OSBPL3: variants seen among roughly 807,000 people sequenced by gnomAD.
The protein encoded by OSBPL3 is oxysterol binding protein like 3, also known as oxysterol-binding protein-related protein 3.
A neutral mutation model predicts 120.1 loss-of-function variants in OSBPL3; 65 were observed. The ratio of observed to expected loss-of-function variants is 0.54; its 90% CI spans 0.44 to 0.67. OSBPL3 has a LOEUF of 0.67. OSBPL3 is among the 30% of genes least tolerant of loss of function. OSBPL3 has a pLI of 0.00. For missense variants in OSBPL3, 1,004 were observed against 1,082.1 expected, an observed-to-expected ratio of 0.93 and a Z score of 1.01; for synonymous variants, 416 against 402.6, an observed-to-expected ratio of 1.03 and a Z score of -0.40.
In OSBPL3 at chr7:24,968,831, TCA is replaced by T. The variant is rs1816685190; in HGVS notation, c.-150+11053_-150+11054del. On this transcript the variant is annotated intron_variant, in intron 1 of 22. Coordinates refer to ENST00000313367, the MANE Select transcript of OSBPL3 (RefSeq NM_015550.4). This position sits in a 1 kb window ranked among gnomAD's most constrained non-coding sequence, Gnocchi z 4.6. Reference sequence around the variant, plus strand: ...TTTTTTCTTAACTTCACAATAAATCTCACATATCATTCCATATCAGAAAATGT... The same window carrying T: ...TTTTTTCTTAACTTCACAATAAATCTCATATCATTCCATATCAGAAAATGT... Among the ~76,000 whole-genome samples the T allele has an allele frequency of 6.6e-6, 1 of 152,212 alleles. No individual in the cohort carries two copies. Among genetic ancestry groups the T allele is most frequent in the South Asian group, 2.1e-4 (1 of 4,828 alleles).
chr7:24,838,169 A>G (rs914430396), intron 14 of OSBPL3, among the ~76,000 whole-genome samples: 4 of 152,346 alleles, frequency 2.6e-5, no homozygotes, highest in African/African-American at 9.6e-5. Flanking sequence ...CTGACAAAGA[A>G]GAAAACTGGG....
intron 1 of OSBPL3, among the ~76,000 whole-genome samples, chr7:24,909,063 T>A (rs1200351567): frequency 6.6e-6 from 1 of 152,222 alleles, no homozygotes; most frequent in Non-Finnish European, 1.5e-5. Context: ...CTACCATGAC[T>A]TCACAGAACT....
At position 24,939,251 on chromosome 7, in the gene OSBPL3, G is replaced by A. The variant is rs1474235203; in HGVS notation, c.-150+40635C>T. Among the ~76,000 whole-genome samples the A allele has an allele frequency of 2.0e-5, 3 of 152,236 alleles. No homozygotes were observed. Among genetic ancestry groups the A allele is most frequent in the Non-Finnish European group, 4.4e-5 (3 of 68,030 alleles). ...CAAGGTCTCTGAGGATGGAGGAGGTGTAAGCTACTGGTAATTGTCTGCCCA... is the reference window on the plus strand; with the variant it reads ...CAAGGTCTCTGAGGATGGAGGAGGTATAAGCTACTGGTAATTGTCTGCCCA... On this transcript the variant is annotated intron_variant, in intron 1 of 22. Coordinates refer to ENST00000313367, the MANE Select transcript of OSBPL3 (RefSeq NM_015550.4). This position sits in a 1 kb window ranked among gnomAD's most constrained non-coding sequence, Gnocchi z 4.2.
At chr7:24,976,407 A>C in intron 1 of OSBPL3, among the ~76,000 whole-genome samples, 1 of 152,208 alleles carries the variant, frequency 6.6e-6, no homozygotes, top group Non-Finnish European at 1.5e-5. Context: ...AGACAATGTT[A>C]GGACAGAGTG....
rs572317597 is a variant in OSBPL3 at position 24,970,560 on chromosome 7, T to C, written c.-150+9326A>G. ...AGTAGAGAAAAGATGGATCAATATA[T>C]AGAGATATAGATACAGATAGATAGA... On this transcript the variant is annotated intron_variant, in intron 1 of 22. Transcript: ENST00000313367. Among the ~76,000 whole-genome samples, 6 of 152,214 alleles carry C rather than the reference T, an allele frequency of 3.9e-5. No individual in the cohort carries two copies. The East Asian group carries it at 7.7e-4, about 20-fold the overall frequency.
rs571170489 is a variant in OSBPL3 at position 24,835,785 on chromosome 7, C to T, written c.1496-1049G>A. Among the ~76,000 whole-genome samples, 1 of 152,170 alleles carries T rather than the reference C, an allele frequency of 6.6e-6. No individual in the cohort carries two copies. The highest frequency in any genetic ancestry group is 1.9e-4 in the East Asian group (1 of 5,168). ...GCAGCAACATAGATGGAGCTGGAGG[C>T]CGTTAACTAAGCAAACTAACACAGG... On this transcript the variant is annotated intron_variant, in intron 14 of 22. Transcript: ENST00000313367. This position sits in a 1 kb window ranked among gnomAD's most constrained non-coding sequence, Gnocchi z 4.8.
At position 24,802,009 on chromosome 7, in the gene OSBPL3, G is replaced by A. The variant is rs974819714; in HGVS notation, c.2568-1730C>T. Among the ~76,000 whole-genome samples, 3 of 152,202 alleles carry A rather than the reference G, an allele frequency of 2.0e-5. No individual in the cohort carries two copies. Among genetic ancestry groups the A allele is most frequent in the Non-Finnish European group, 4.4e-5 (3 of 68,034 alleles). On this transcript the variant is annotated intron_variant, in intron 22 of 22. Coordinates refer to ENST00000313367, the MANE Select transcript of OSBPL3 (RefSeq NM_015550.4). This position sits in a 1 kb window ranked among gnomAD's most constrained non-coding sequence, Gnocchi z 4.1. ...CATTAACAATTCCTGTAATTAGCATGGCTGGGTCAAAGAGTATGTGCATTT... is the reference window on the plus strand; with the variant it reads ...CATTAACAATTCCTGTAATTAGCATAGCTGGGTCAAAGAGTATGTGCATTT...
intron 1 of OSBPL3, among the ~76,000 whole-genome samples, chr7:24,917,413 T>TATATATATTTGTAAC (rs1562924806): frequency 5.0e-5 from 7 of 141,078 alleles, no homozygotes; most frequent in African/African-American, 1.9e-4. Context: ...TATATATATA[T>TATATATATTTGTAAC]ATATATATAT....
intron 1 of OSBPL3, among the ~76,000 whole-genome samples, chr7:24,927,531 T>C (rs1811212842): frequency 6.6e-6 from 1 of 152,198 alleles, no homozygotes; most frequent in South Asian, 2.1e-4. Context: ...TAACTGAAGC[T>C]CTCAATGATT....
Position 24,824,264 on chromosome 7 carries a change from T to C in OSBPL3, c.1885-4026A>G, listed in dbSNP as rs1471223305. 1.3e-5 allele frequency among the ~76,000 whole-genome samples: 2 copies of C among 152,238 alleles called. No individual in the cohort carries two copies. Among genetic ancestry groups the C allele is most frequent in the Admixed American group, 1.3e-4 (2 of 15,284 alleles). ...GGCAGTTAAGAATTCTGGTAATTTA[T>C]AATTTATTTATATATCTGAGGCCTT... On this transcript the variant is annotated intron_variant, in intron 16 of 22. Coordinates refer to ENST00000313367, the MANE Select transcript of OSBPL3 (RefSeq NM_015550.4). The surrounding 1 kb of genome is among the most constrained non-coding windows in gnomAD (Gnocchi z 4.9).
At position 24,891,212 on chromosome 7, in the gene OSBPL3, ATTT is replaced by A. The variant is rs35524056; in HGVS notation, c.96+1162_96+1164del. 6.8e-6 allele frequency among the ~76,000 whole-genome samples: 1 copy of A among 146,880 alleles called. No individual in the cohort carries two copies. The highest frequency in any genetic ancestry group is 2.5e-5 in the African/African-American group (1 of 40,050). On this transcript the variant is annotated intron_variant, in intron 2 of 22. Coordinates refer to ENST00000313367, the MANE Select transcript of OSBPL3 (RefSeq NM_015550.4). The surrounding 1 kb of genome is among the most constrained non-coding windows in gnomAD (Gnocchi z 4.1). ...CAATGACTAATTTTAGTCTTTTCTT[ATTT>A]TTTTTTTTTTTAATTCCAGAAGGAA...
At position 24,806,617 on chromosome 7, in the gene OSBPL3, C is replaced by T. The variant is rs1482376929; in HGVS notation, c.2444+159G>A. Among the ~76,000 whole-genome samples, 1 of 152,178 alleles carries T rather than the reference C, an allele frequency of 6.6e-6. No homozygotes were observed. Among genetic ancestry groups the T allele is most frequent in the Non-Finnish European group, 1.5e-5 (1 of 68,034 alleles). ...CACATGGATCCTAGTTGGGCCCCATCTCCTCCGTGATACAATTGTTTAAAG... is the reference window on the plus strand; with the variant it reads ...CACATGGATCCTAGTTGGGCCCCATTTCCTCCGTGATACAATTGTTTAAAG... On this transcript the variant is annotated intron_variant, in intron 21 of 22. Transcript: ENST00000313367. The surrounding 1 kb of genome is among the most constrained non-coding windows in gnomAD (Gnocchi z 5.2).
rs1028493735 is a variant in OSBPL3 at position 24,912,157 on chromosome 7, C to T, written c.-149-19536G>A. Among the ~76,000 whole-genome samples the T allele has an allele frequency of 2.0e-5, 3 of 152,158 alleles. No individual in the cohort carries two copies. The highest frequency in any genetic ancestry group is 1.9e-4 in the East Asian group (1 of 5,184). On this transcript the variant is annotated intron_variant, in intron 1 of 22. Transcript: ENST00000313367. The surrounding 1 kb of genome is among the most constrained non-coding windows in gnomAD (Gnocchi z 4.5). ...GAAGGTTTTTACTAAATTTTATCTC[C>T]GAAGTAAGAAAATATTCTCAAGTAT...
chr7:24,818,781 T>C lies in OSBPL3; in HGVS notation c.1948+1394A>G, dbSNP rs1318963931. Among the ~76,000 whole-genome samples, 1 of 151,730 alleles carries C rather than the reference T, an allele frequency of 6.6e-6. No homozygotes were observed. The highest frequency in any genetic ancestry group is 2.4e-5 in the African/African-American group (1 of 41,260). ...ACAACCTACATAAAAGGCAGAGAAA[T>C]GTCAGGCTGGGTTACAAAGCAAGAT... On this transcript the variant is annotated intron_variant, in intron 17 of 22. Transcript: ENST00000313367. The surrounding 1 kb of genome is among the most constrained non-coding windows in gnomAD (Gnocchi z 4.0).
chr7:24,890,953 T>C (rs1805256820), intron 2 of OSBPL3, among the ~76,000 whole-genome samples: 1 of 152,236 alleles, frequency 6.6e-6, no homozygotes, highest in Admixed American at 6.5e-5. Flanking sequence ...ATTCCTATGG[T>C]GTAATCACCA....
In OSBPL3 at chr7:24,912,434, A is replaced by C. The variant is rs184857230; in HGVS notation, c.-149-19813T>G. Among the ~76,000 whole-genome samples the C allele has an allele frequency of 9.2e-5, 14 of 152,338 alleles. No individual in the cohort carries two copies. The highest frequency in any genetic ancestry group is 5.9e-4 in the Admixed American group (9 of 15,304). ...TTCCCCTATGTTGCAGATTCACTGC[A>C]GACATCCATTGATTTAGGGAGTTTA... On this transcript the variant is annotated intron_variant, in intron 1 of 22. Transcript: ENST00000313367. This position sits in a 1 kb window ranked among gnomAD's most constrained non-coding sequence, Gnocchi z 4.5.
At chr7:24,861,899 T>C in intron 9 of OSBPL3, 130 bp from the exon 10 acceptor site, 1 of 500,148 alleles carries the variant, frequency 2.0e-6, no homozygotes. Flanking sequence ...TTTTTTTTTT[T>C]TGGGGGGGAT....
chr7:24,975,969 C>T (rs1424163415), intron 1 of OSBPL3, among the ~76,000 whole-genome samples: 1 of 152,174 alleles, frequency 6.6e-6, no homozygotes, highest in South Asian at 2.1e-4. Flanking sequence ...ACTCAGACTA[C>T]CAGCTCACAG....
chr7:24,804,311 G>T lies in OSBPL3; in HGVS notation c.2567+4C>A, dbSNP rs774750063. 7 of 1,613,988 alleles carry T rather than the reference G, an allele frequency of 4.3e-6. No individual in the cohort carries two copies. In the East Asian group the frequency reaches 1.6e-4, roughly 36 times the overall value. On this transcript the variant is annotated splice_donor_region_variant and intron_variant, in intron 22 of 22. Transcript: ENST00000313367. This position sits in a 1 kb window ranked among gnomAD's most constrained non-coding sequence, Gnocchi z 5.4. The stretch of plus-strand genomic sequence containing the variant: ...CCAAAAACCTACTCAATCCAGGCAC[G>T]AACCTGAAAAACCGAGGCTGGTGCT...
Sources: allele counts gnomAD v4.1 joint callset (sites outside exome capture counted in the v4.1 genomes callset), GRCh38; gene constraint gnomAD v4.1.1; non-coding constraint Gnocchi (gnomAD v3.1); transcripts MANE v1.5; gene names NCBI Gene and HGNC (gene_info 2026-07-23, HGNC 2026-07-21).